UVSSA: variants seen among roughly 807,000 people sequenced by gnomAD.
UVSSA encodes the protein UV-stimulated scaffold protein A.
In UVSSA, 72 loss-of-function variants were observed where a neutral mutation model predicts 73.9. That is an observed-to-expected ratio of 0.97 (90% CI 0.81 to 1.19). UVSSA has a LOEUF of 1.19. Among genes scored for constraint, UVSSA ranks in the 50% most tolerant of loss-of-function variants. UVSSA has a pLI of 0.00. For synonymous variants in UVSSA, 454 were observed against 391.3 expected, an observed-to-expected ratio of 1.16 and a Z score of -1.89; for missense variants, 1,150 against 965.0, an observed-to-expected ratio of 1.19 and a Z score of -2.54.
rs13137870 is a variant in UVSSA, at chr4:1,395,552, C to G, written c.*9591C>G. 9 of 1,577,606 alleles carry G rather than the reference C, an allele frequency of 5.7e-6. No individual in the cohort carries two copies. The highest frequency in any genetic ancestry group is 3.0e-5 in the African/African-American group (2 of 66,512). ...GAGTGCCCGCCTGCTCACACGTGCC[C>G]ATGTGGAGTGCCCGCCTGCTCACAC... On this transcript the variant is annotated 3_prime_UTR_variant, in exon 14 of 14. Coordinates refer to the UVSSA transcript ENST00000511216.
At chr4:1,377,079 G>C (rs568908991) in intron 10 of UVSSA, among the ~76,000 whole-genome samples, 2 of 152,166 alleles carry the variant, frequency 1.3e-5, no homozygotes, top group Admixed American at 1.3e-4. Context: ...TCTGCGGGGC[G>C]TGATGCGGGA....
At chr4:1,377,060 G>T (rs1718863718) in intron 10 of UVSSA, among the ~76,000 whole-genome samples, 1 of 152,230 alleles carries the variant, frequency 6.6e-6, no homozygotes, top group African/African-American at 2.4e-5. Context: ...TAAAGCCAAT[G>T]CTGCGGGGTC....
At chr4:1,380,396 G>A (rs1003060648) in intron 11 of UVSSA, among the ~76,000 whole-genome samples, 166 bp downstream of exon 11, 5 of 152,232 alleles carry the variant, frequency 3.3e-5, no homozygotes, top group African/African-American at 7.2e-5. Flanking sequence ...CTTAGCCGTT[G>A]GCCATCAGAG....
At chr4:1,379,597 G>A (rs946212358) in intron 10 of UVSSA, among the ~76,000 whole-genome samples, 4 of 152,180 alleles carry the variant, frequency 2.6e-5, no homozygotes, top group Admixed American at 6.5e-5. Flanking sequence ...GTGTGCTACC[G>A]CCCTGTCCTT....
chr4:1,366,510 T>C (rs1577336399), intron 8 of UVSSA, 79 bp downstream of exon 8: 7 of 1,063,962 alleles, frequency 6.6e-6, no homozygotes, highest in East Asian at 2.5e-5. Flanking sequence ...GGTCATGACC[T>C]CAGGGGCAGG....
Position 1,357,579 on chromosome 4 carries a change from C to T in UVSSA, c.1176+2334C>T, listed in dbSNP as rs962166453. Among the ~76,000 whole-genome samples the T allele has an allele frequency of 8.6e-4, 131 of 152,364 alleles. 1 individual carries two copies. The highest frequency in any genetic ancestry group is 2.8e-3 in the African/African-American group (118 of 41,586). On this transcript the variant is annotated intron_variant, in intron 7 of 13. Coordinates refer to ENST00000389851, the MANE Select transcript of UVSSA (RefSeq NM_020894.4). ...CCCGAGTCAGGACTCTAATTCAGCG[C>T]GGCCACGGTACCAGCGAGGCCTGCA...
intron 7 of UVSSA, among the ~76,000 whole-genome samples, chr4:1,361,046 A>G (rs1716552912): frequency 6.6e-6 from 1 of 152,098 alleles, no homozygotes; most frequent in Admixed American, 6.5e-5. Flanking sequence ...AGCAACACAG[A>G]CCCAGGACCC....
chr4:1,369,821 G>A (rs1294709301), intron 8 of UVSSA, among the ~76,000 whole-genome samples: 1 of 152,254 alleles, frequency 6.6e-6, no homozygotes, highest in African/African-American at 2.4e-5. Context: ...ACATTTTTAT[G>A]ATTCTTTCTC....
chr4:1,394,407 T>A (rs1720471710), exon 14 of UVSSA: 1 of 1,552,074 alleles, frequency 6.4e-7, no homozygotes, highest in African/African-American at 1.4e-5. Context: ...GGTTTCATTT[T>A]CATATTGAAA....
intron 7 of UVSSA, among the ~76,000 whole-genome samples, chr4:1,355,537 G>T (rs1026566043): frequency 6.6e-6 from 1 of 152,354 alleles, no homozygotes; most frequent in African/African-American, 2.4e-5. Flanking sequence ...CAGTCAGGCT[G>T]TCCCCCCCGT....
chr4:1,395,697 T>A, exon 14 of UVSSA: 1 of 1,614,156 alleles, frequency 6.2e-7, no homozygotes, highest in African/African-American at 1.3e-5. Context: ...AGTGCCCGCC[T>A]GCTCACACAA....
At chr4:1,385,633 C>G (rs532345299) in intron 13 of UVSSA, 3 of 565,144 alleles carry the variant, frequency 5.3e-6, no homozygotes, top group Non-Finnish European at 9.5e-6. Context: ...AACCACCCGC[C>G]GCAGACTCCG....
chr4:1,376,464 AGGC>A (rs747614871), intron 10 of UVSSA, among the ~76,000 whole-genome samples: 1 of 152,100 alleles, frequency 6.6e-6, no homozygotes, highest in Non-Finnish European at 1.5e-5. Context: ...ACTCCCCTAA[AGGC>A]GGCCCTGGGG....
In UVSSA at chr4:1,355,206, G is replaced by A. The variant is rs749022151; in HGVS notation, c.1137G>A (p.Lys379=). 3.1e-6 allele frequency: 5 copies of A among 1,613,436 alleles called. No homozygotes were observed. In the Admixed American group the frequency reaches 8.3e-5, roughly 27 times the overall value. ...TGGAGCTCGTACTGAGAAAATACAA[G>A]GAGCTGGACATCGAGCCTGAGGGAG... ...AELELVLRKY[K]ELDIEPEGGE... Residue 379 remains lysine, a synonymous_variant, in exon 7 of 14, where the codon AAG becomes AAA. Transcript: ENST00000389851.
At chr4:1,381,543 C>T (rs1027916958) in intron 12 of UVSSA, among the ~76,000 whole-genome samples, 1 of 152,220 alleles carries the variant, frequency 6.6e-6, no homozygotes, top group African/African-American at 2.4e-5. Flanking sequence ...TCTGCCCACC[C>T]TGTCTCACCC....
At chr4:1,355,389 T>A in intron 7 of UVSSA, 144 bp downstream of exon 7, 1 of 799,726 alleles carries the variant, frequency 1.3e-6, no homozygotes, top group South Asian at 1.8e-5. Context: ...AGGACCTGCC[T>A]CCCCAGCGAG....
chr4:1,346,521 C>T (rs892947327), upstream of UVSSA, among the ~76,000 whole-genome samples: 1 of 152,208 alleles, frequency 6.6e-6, no homozygotes, highest in Admixed American at 6.5e-5. Flanking sequence ...CTCATTCCGC[C>T]CAGGGCCAGC....
intron 8 of UVSSA, among the ~76,000 whole-genome samples, chr4:1,373,360 C>T (rs765366360): frequency 1.3e-5 from 2 of 152,168 alleles, no homozygotes; most frequent in South Asian, 2.1e-4. Flanking sequence ...GAGGCCGTCC[C>T]TCCTTTTCAC....
At chr4:1,354,920 T>A in intron 6 of UVSSA, 73 bp downstream of exon 6, 1 of 1,461,394 alleles carries the variant, frequency 6.8e-7, no homozygotes, top group Non-Finnish European at 9.4e-7. Context: ...GGTCCCTTTC[T>A]TGGGGGGACT....
Sources: allele counts gnomAD v4.1 joint callset (sites outside exome capture counted in the v4.1 genomes callset), GRCh38; gene constraint gnomAD v4.1.1; transcripts MANE v1.5; gene names NCBI Gene and HGNC (gene_info 2026-07-23, HGNC 2026-07-21).